Variants in SLC33A2 observed in about 807,000 individuals in gnomAD.
SLC33A2 encodes major facilitator superfamily domain containing 3.
chr8:144,509,127 A>T, the SLC33A2 span: 3 of 491,548 alleles, frequency 6.1e-6, no homozygotes, highest in African/African-American at 6.1e-5. Flanking sequence ...CCCCGTTTGG[A>T]CCCGACTTCG....
At chr8:144,510,727 G>A in the SLC33A2 span, 3 of 1,594,838 alleles carry the variant, frequency 1.9e-6, no homozygotes, top group Admixed American at 5.1e-5. Context: ...TGAGAGGTGA[G>A]GGGCTGGCCT....
At chr8:144,510,542 T>C in the SLC33A2 span, 16 of 1,611,630 alleles carry the variant, frequency 9.9e-6, no homozygotes, top group East Asian at 3.3e-4. Context: ...CCCACCCACT[T>C]GTACCTGAGC....
At chr8:144,509,250 T>G in the SLC33A2 span, 3 of 1,355,246 alleles carry the variant, frequency 2.2e-6, no homozygotes, top group Middle Eastern at 2.7e-4. Flanking sequence ...GGGTGTGGCC[T>G]CTGACCCCAC....
At chr8:144,511,213 A>G in the SLC33A2 span, 1 of 1,584,182 alleles carries the variant, frequency 6.3e-7, no homozygotes, top group Non-Finnish European at 8.6e-7. Flanking sequence ...TGTGGCCCAG[A>G]TGTCTCTGTG....
chr8:144,509,403 G>T, the SLC33A2 span: 1 of 1,527,196 alleles, frequency 6.5e-7, no homozygotes, highest in Non-Finnish European at 8.7e-7. Context: ...GCTCCAGTCC[G>T]GCCTCCTGCC....
the SLC33A2 span, chr8:144,510,523 T>A: frequency 6.2e-7 from 1 of 1,612,220 alleles, no homozygotes; most frequent in African/African-American, 1.3e-5. Context: ...CCCTCCCCAG[T>A]GTACCCTGCC....
chr8:144,511,136 T>C, the SLC33A2 span: 10 of 1,610,572 alleles, frequency 6.2e-6, no homozygotes, highest in African/African-American at 1.3e-5. Context: ...GTTCTGTACC[T>C]GGACCTAGCA....
chr8:144,510,151 C>CG, the SLC33A2 span: 1 of 1,296,208 alleles, frequency 7.7e-7, no homozygotes. Flanking sequence ...CCCTGACATC[C>CG]GGGGCTCTGC....
At chr8:144,510,457 C>T in the SLC33A2 span, 2 of 1,612,880 alleles carry the variant, frequency 1.2e-6, no homozygotes, top group Non-Finnish European at 1.7e-6. Context: ...GTGCTGTGGT[C>T]TGCTCCATCG....
chr8:144,509,915 C>G, the SLC33A2 span: 1 of 1,566,468 alleles, frequency 6.4e-7, no homozygotes, highest in Non-Finnish European at 8.6e-7. Context: ...CACAGCAGCC[C>G]CCTTCCGAGC....
chr8:144,509,807 G>A, the SLC33A2 span: 2 of 1,543,254 alleles, frequency 1.3e-6, no homozygotes, highest in Non-Finnish European at 1.7e-6. Context: ...TGGCGCTGCT[G>A]CCCACCTTCT....
At chr8:144,509,560 G>T in the SLC33A2 span, 1 of 1,520,254 alleles carries the variant, frequency 6.6e-7, no homozygotes, top group East Asian at 2.5e-5. Context: ...AGCACGGCGG[G>T]CCTGGGCCTG....
chr8:144,510,421 C>A, the SLC33A2 span: 1 of 1,612,886 alleles, frequency 6.2e-7, no homozygotes, highest in Non-Finnish European at 8.5e-7. Flanking sequence ...TTTCTGCTCC[C>A]GAGTTGGGAC....
At chr8:144,509,095 C>G in the SLC33A2 span, 1 of 440,330 alleles carries the variant, frequency 2.3e-6, no homozygotes, top group Non-Finnish European at 4.0e-6. Flanking sequence ...AGCCGCCGGC[C>G]GCCGGTGTCC....
the SLC33A2 span, chr8:144,509,867 G>A: frequency 1.9e-6 from 3 of 1,538,964 alleles, no homozygotes; most frequent in South Asian, 1.2e-5. Flanking sequence ...GGCTGGCCGC[G>A]GCCCTGGCCT....
the SLC33A2 span, chr8:144,509,584 T>C: frequency 2.0e-6 from 3 of 1,532,020 alleles, no homozygotes; most frequent in African/African-American, 1.4e-5. Context: ...TGTGGGCTGC[T>C]TGCCGGGCTG....
chr8:144,511,156 T>G, the SLC33A2 span: 2 of 1,609,658 alleles, frequency 1.2e-6, no homozygotes, highest in Non-Finnish European at 1.7e-6. Context: ...ACCCAGCACC[T>G]TTCTCTGAGC....
At chr8:144,509,592 C>G in the SLC33A2 span, 1 of 1,537,392 alleles carries the variant, frequency 6.5e-7, no homozygotes, top group Non-Finnish European at 8.7e-7. Context: ...GCTTGCCGGG[C>G]TGCCCCCTCC....
chr8:144,511,057 G>A, the SLC33A2 span: 70 of 1,606,738 alleles, frequency 4.4e-5, no homozygotes, highest in East Asian at 4.0e-4. Context: ...CACTCTGGCC[G>A]GAGGCCTGGC....
Sources: allele counts gnomAD v4.1 joint callset, GRCh38; gene constraint gnomAD v4.1.1; transcripts MANE v1.5; gene names NCBI Gene and HGNC (gene_info 2026-07-23, HGNC 2026-07-21).